The following ANKLE2 variants were observed in gnomAD, a reference collection of about 807,000 sequenced individuals.
ANKLE2 encodes ankyrin repeat and LEM domain containing 2, also known as ankyrin repeat and LEM domain-containing protein 2.
ANKLE2 carries 55 observed loss-of-function variants against 84.2 expected under a neutral mutation model. The observed-to-expected ratio is 0.65, with a 90% CI of 0.53 to 0.82. The LOEUF is 0.82. Among genes scored for constraint, ANKLE2 ranks in the 40% least tolerant of loss-of-function variants. The pLI, the probability that ANKLE2 is intolerant of heterozygous loss-of-function variation, is 0.00. For missense variants in ANKLE2, 1,238 were observed against 1,201.9 expected (o/e 1.03, Z -0.44); for synonymous variants, 551 against 486.1 (o/e 1.13, Z -1.76).
chr12:132,737,277 C>T (rs2044031685), intron 7 of ANKLE2: 1 of 477,324 alleles, frequency 2.1e-6, no homozygotes, highest in Non-Finnish European at 3.7e-6. Flanking sequence ...GAGCTCACTT[C>T]ACTTAACCAG....
chr12:132,739,582 C>T (rs1029381332), intron 7 of ANKLE2, among the ~76,000 whole-genome samples: 8 of 152,148 alleles, frequency 5.3e-5, no homozygotes, highest in Admixed American at 3.9e-4. Context: ...TGATTTGAGT[C>T]CCTTTTAACA....
chr12:132,737,051 G>A lies in ANKLE2; in HGVS notation c.1435C>T (p.Pro479Ser). ...REYLKGHYYVPLLRAEETSSP... is the reference protein window; with the variant it reads ...REYLKGHYYVSLLRAEETSSP... ...GAAGTCTCTTCCGCTCTCAGGAGGG[G>A]CACGTAGTAGTGGCCTGAGGGAGGA... is the stretch of plus-strand genomic sequence containing the variant. Residue 479 changes from proline (P) to serine (S), a missense_variant, in exon 8 of 13, where the codon CCC becomes TCC. This residue lies in a region of ANKLE2 where 802 missense variants were observed against 774.5 expected (regional missense o/e 1.04). Transcript: ENST00000357997. The A allele has an allele frequency of 1.2e-6, 2 of 1,601,414 alleles. No individual in the cohort carries two copies. Among genetic ancestry groups the A allele is most frequent in the Non-Finnish European group, 1.7e-6 (2 of 1,170,762 alleles).
chr12:132,734,430 T>C lies in ANKLE2; in HGVS notation c.1846A>G (p.Thr616Ala). Reference sequence around the variant, plus strand: ...CGGCAGGAGGCTTCCCGTTCTCCTGTTTCTTGTTGAGCCTTTTTGCCTATT... The same window carrying C: ...CGGCAGGAGGCTTCCCGTTCTCCTGCTTCTTGTTGAGCCTTTTTGCCTATT... ...QEIGKKAQQE[T>A]GEREASCRDK... is the part of the protein sequence containing the mutation. Residue 616 changes from threonine to alanine, a missense_variant, in exon 10 of 13, where the codon ACA becomes GCA. Thr to Ala is a moderately conservative substitution (Grantham distance 58, BLOSUM62 0). Coordinates refer to ENST00000357997, the MANE Select transcript of ANKLE2 (RefSeq NM_015114.3). The C allele has an allele frequency of 6.2e-7, 1 of 1,614,186 alleles. No homozygotes were observed. Among genetic ancestry groups the C allele is most frequent in the Non-Finnish European group, 8.5e-7 (1 of 1,180,028 alleles).
At chr12:132,749,787 G>C (rs955015657) in intron 3 of ANKLE2, among the ~76,000 whole-genome samples, 1 of 152,166 alleles carries the variant, frequency 6.6e-6, no homozygotes, top group Non-Finnish European at 1.5e-5. Flanking sequence ...GTCAGACTTC[G>C]GGCTGGACCG....
chr12:132,761,800 G>T lies in ANKLE2; in HGVS notation c.-2C>A, dbSNP rs1056124557. Reference sequence around the variant, plus strand: ...CGCCGCCAGCCGCGGCCACAGCATCGCCGCCGCCCGGGCCGCAGCCGCCGA... The same window carrying T: ...CGCCGCCAGCCGCGGCCACAGCATCTCCGCCGCCCGGGCCGCAGCCGCCGA... On this transcript the variant is annotated 5_prime_UTR_variant, in exon 1 of 13. Transcript: ENST00000357997. 2 of 1,082,242 alleles carry T rather than the reference G, an allele frequency of 1.8e-6. No individual in the cohort carries two copies. Among genetic ancestry groups the T allele is most frequent in the Non-Finnish European group, 2.2e-6 (2 of 895,072 alleles). 67.0% of individuals were successfully genotyped at this position (1,082,242 alleles called of 1,614,324 possible). A position where few individuals can be genotyped will look rare whatever the true frequency, so the allele number is the denominator to read the frequency against.
intron 1 of ANKLE2, chr12:132,755,482 C>A (rs12812713): frequency 5.5e-6 from 1 of 182,492 alleles, no homozygotes; most frequent in East Asian, 1.6e-4. Flanking sequence ...GAGGCGGAGG[C>A]TGCAATTAGC....
At position 132,743,287 on chromosome 12, in the gene ANKLE2, G is replaced by A; in HGVS notation, c.1231-11C>T. ...CGGTGTGTCATAGCCCTGAAAAAAG[G>A]TGCAGAGGAAGTACAATTATTCACA... On this transcript the variant is annotated splice_polypyrimidine_tract_variant and intron_variant, in intron 5 of 12. Coordinates refer to ENST00000357997, the MANE Select transcript of ANKLE2 (RefSeq NM_015114.3). The surrounding 1 kb of genome is among the most constrained non-coding windows in gnomAD (Gnocchi z 4.1). 6.3e-7 allele frequency: 1 copy of A among 1,588,546 alleles called. No homozygotes were observed. Among genetic ancestry groups the A allele is most frequent in the Non-Finnish European group, 8.6e-7 (1 of 1,166,414 alleles).
rs767085445 is a variant in ANKLE2, at chr12:132,750,665, G to C, written c.825C>G (p.Leu275=). 5.0e-6 allele frequency: 8 copies of C among 1,614,128 alleles called. No individual in the cohort carries two copies. Reference sequence around the variant, plus strand: ...TACCTTTCAACCTGTCATTGCTAAAGAGTGGAGCTGTTTTCACAGGAGACA... The same window carrying C: ...TACCTTTCAACCTGTCATTGCTAAACAGTGGAGCTGTTTTCACAGGAGACA... ...LPLSPVKTAP[L]FSNDRLKDGL... Residue 275 remains leucine, a synonymous_variant, in exon 3 of 13, where the codon CTC becomes CTG. Transcript: ENST00000357997.
chr12:132,728,044 G>C lies in ANKLE2; in HGVS notation c.2603C>G (p.Ser868Trp), dbSNP rs200743167. The C allele has an allele frequency of 5.3e-5, 85 of 1,607,338 alleles. 1 individual carries two copies. In the Admixed American group the frequency reaches 9.4e-4, roughly 18 times the overall value. The change falls in exon 12 of 13, where the codon TCG becomes TGG. Residue 868 changes from serine (S) to tryptophan (W), a missense_variant. By Grantham distance (177) the Ser-to-Trp change is radical. This residue lies in a region of ANKLE2 where 802 missense variants were observed against 774.5 expected (regional missense o/e 1.04). Coordinates refer to ENST00000357997, the MANE Select transcript of ANKLE2 (RefSeq NM_015114.3). The stretch of plus-strand genomic sequence containing the variant: ...GGGCCCCACATACCTCTGTCTGTCC[G>C]AGGGTGAGTAGCACAGGACAGCACT... ...WKSAVLCYSP[S>W]DRQSWPSPAV...
intron 8 of ANKLE2, among the ~76,000 whole-genome samples, chr12:132,736,278 G>A (rs2044007142): frequency 6.6e-6 from 1 of 152,226 alleles, no homozygotes; most frequent in Non-Finnish European, 1.5e-5. Context: ...AACTGATTTA[G>A]AAAGTTTCTA....
chr12:132,741,078 A>G (rs1000912649), intron 7 of ANKLE2, among the ~76,000 whole-genome samples: 2 of 152,192 alleles, frequency 1.3e-5, no homozygotes, highest in African/African-American at 4.8e-5. Flanking sequence ...TGCAGGCTCC[A>G]CCTGAAGAGA....
At chr12:132,733,332 G>T (rs1466034442) in intron 10 of ANKLE2, among the ~76,000 whole-genome samples, 1 of 133,230 alleles carries the variant, frequency 7.5e-6, no homozygotes, top group Non-Finnish European at 1.5e-5. Context: ...AGCTCTCTGC[G>T]TCCTGGTGTC....
chr12:132,741,432 T>C lies in ANKLE2; in HGVS notation c.1407A>G (p.Arg469=). The change falls in exon 7 of 13, where the codon AGA becomes AGG. Residue 469 remains arginine, a synonymous_variant. Coordinates refer to ENST00000357997, the MANE Select transcript of ANKLE2 (RefSeq NM_015114.3). ...TCCCCATCTTACCCTTTAAATACTC[T>C]CTGATCCGCTCCTTCAGTTCCACAG... ...NKSVELKERI[R]EYLKGHYYVP... 1 of 1,614,240 alleles carries C rather than the reference T, an allele frequency of 6.2e-7. No homozygotes were observed. The highest frequency in any genetic ancestry group is 8.5e-7 in the Non-Finnish European group (1 of 1,180,040).
chr12:132,750,992 A>C, intron 2 of ANKLE2, 143 bp from the exon 3 acceptor site: 1 of 708,840 alleles, frequency 1.4e-6, no homozygotes, highest in Non-Finnish European at 2.3e-6. Context: ...CTGAAGAAAA[A>C]GGGCCTAAGC....
intron 1 of ANKLE2, chr12:132,758,683 C>G (rs1342690319): frequency 6.6e-6 from 1 of 152,170 alleles, no homozygotes; most frequent in Non-Finnish European, 1.5e-5. Flanking sequence ...GCCACCACGC[C>G]CCGCTATTTT....
At chr12:132,751,613 G>A (rs1421651968) in intron 2 of ANKLE2, among the ~76,000 whole-genome samples, 2 of 151,194 alleles carry the variant, frequency 1.3e-5, no homozygotes, top group African/African-American at 4.9e-5. Flanking sequence ...TGTGATCTTG[G>A]CTCACTGCGA....
In ANKLE2 at chr12:132,743,929, C is replaced by G. The variant is rs539239076; in HGVS notation, c.1231-653G>C. On this transcript the variant is annotated intron_variant, in intron 5 of 12. Transcript: ENST00000357997. The surrounding 1 kb of genome is among the most constrained non-coding windows in gnomAD (Gnocchi z 4.1). ...CACAACCAGAATAAAGCAAAGCGCA[C>G]GAATTTGGTCTGTACTCAAAGAAGT... Among the ~76,000 whole-genome samples the G allele has an allele frequency of 6.6e-6, 1 of 152,172 alleles. No individual in the cohort carries two copies. The highest frequency in any genetic ancestry group is 2.4e-5 in the African/African-American group (1 of 41,426).
At chr12:132,751,812 G>A (rs902460616) in intron 2 of ANKLE2, among the ~76,000 whole-genome samples, 2 of 152,176 alleles carry the variant, frequency 1.3e-5, no homozygotes, top group Admixed American at 1.3e-4. Context: ...CAAAGTGCTG[G>A]GATTACAGGC....
rs1397969020 is a variant in ANKLE2, at chr12:132,750,813, A to G, written c.677T>C (p.Leu226Ser). 2 of 1,614,210 alleles carry G rather than the reference A, an allele frequency of 1.2e-6. No individual in the cohort carries two copies. Among genetic ancestry groups the G allele is most frequent in the Admixed American group, 1.7e-5 (1 of 60,014 alleles). The change falls in exon 3 of 13, where the codon TTG becomes TCG. Residue 226 changes from leucine (L) to serine (S), a missense_variant. By Grantham distance (145) the Leu-to-Ser change is moderately radical (BLOSUM62 -2). Coordinates refer to ENST00000357997, the MANE Select transcript of ANKLE2 (RefSeq NM_015114.3). The part of the protein sequence containing the change: ...IYVYENKKEA[L>S]QAVKMIKGSR... ...CCCTTTGATCATCTTGACAGCTTGCAATGCTTCCTTTTTATTTTCATAAAC... is the reference window on the plus strand; with the variant it reads ...CCCTTTGATCATCTTGACAGCTTGCGATGCTTCCTTTTTATTTTCATAAAC...
Sources: allele counts gnomAD v4.1 joint callset (sites outside exome capture counted in the v4.1 genomes callset), GRCh38; gene constraint gnomAD v4.1.1; regional missense constraint gnomAD v4.1.1; non-coding constraint Gnocchi (gnomAD v3.1); transcripts MANE v1.5; gene names NCBI Gene and HGNC (gene_info 2026-07-23, HGNC 2026-07-21).